NTRK2: variants seen among roughly 807,000 people sequenced by gnomAD.
The protein encoded by NTRK2 is BDNF/NT-3 growth factors receptor.
In NTRK2, 13 loss-of-function variants were observed where a neutral mutation model predicts 94.5. The ratio of observed to expected loss-of-function variants is 0.14; its 90% CI spans 0.09 to 0.22. The LOEUF (loss-of-function observed/expected upper bound fraction) is 0.22, where lower values mean the gene tolerates loss of function less well. Ranked by LOEUF, NTRK2 falls within the 10% of genes least tolerant of loss-of-function variation. The pLI is 1.00. For synonymous variants in NTRK2, 372 were observed against 407.4 expected, an observed-to-expected ratio of 0.91 and a Z score of 1.05; for missense variants, 639 against 1,071.2, an observed-to-expected ratio of 0.60 and a Z score of 5.63.
chr9:84,828,613 G>C (rs10114941), intron 12 of NTRK2, among the ~76,000 whole-genome samples: 8,930 of 152,162 alleles, frequency 0.059, 337 homozygotes, highest in African/African-American at 0.093. Flanking sequence ...TGCCAAGTGT[G>C]TCTAACTAAA....
intron 14 of NTRK2, among the ~76,000 whole-genome samples, chr9:84,933,499 C>A (rs1341079519): frequency 2.0e-5 from 3 of 152,216 alleles, no homozygotes; most frequent in Non-Finnish European, 4.4e-5. Flanking sequence ...GCTTTTGTCT[C>A]TTCTTGGCCT....
chr9:84,982,289 G>A (rs139689683), intron 17 of NTRK2, among the ~76,000 whole-genome samples: 1 of 152,172 alleles, frequency 6.6e-6, no homozygotes, highest in Non-Finnish European at 1.5e-5. Context: ...AGAATGAGCC[G>A]AGGAGGATTA....
At chr9:84,974,283 C>CT (rs1826535931) in intron 17 of NTRK2, among the ~76,000 whole-genome samples, 1 of 152,202 alleles carries the variant, frequency 6.6e-6, no homozygotes, top group South Asian at 2.1e-4. Context: ...GCCAGGGCCT[C>CT]TCCTCATAAC....
intron 9 of NTRK2, among the ~76,000 whole-genome samples, chr9:84,739,168 A>G (rs999880438): frequency 6.6e-6 from 1 of 152,164 alleles, no homozygotes; most frequent in Non-Finnish European, 1.5e-5. Flanking sequence ...CTCGTGCCTC[A>G]GCCTCCAGAA....
intron 12 of NTRK2, among the ~76,000 whole-genome samples, chr9:84,850,273 C>T (rs888781724): frequency 3.3e-5 from 5 of 152,016 alleles, no homozygotes; most frequent in South Asian, 2.1e-4. Context: ...TGAAAGCTGC[C>T]TATAGGCAGA....
At chr9:84,961,904 A>AG (rs1173528109) in intron 17 of NTRK2, among the ~76,000 whole-genome samples, 1 of 152,194 alleles carries the variant, frequency 6.6e-6, no homozygotes, top group Non-Finnish European at 1.5e-5. Context: ...AGGAGGCCCT[A>AG]GGCCAGGATA....
chr9:84,773,614 A>C (rs1588502842), intron 12 of NTRK2, among the ~76,000 whole-genome samples: 1 of 152,202 alleles, frequency 6.6e-6, no homozygotes, highest in Non-Finnish European at 1.5e-5. Context: ...AACTATATTT[A>C]TCACCACTTA....
chr9:84,872,935 G>A lies in NTRK2; in HGVS notation c.1633+5504G>A, dbSNP rs565420370. On this transcript the variant is annotated intron_variant, in intron 14 of 18. Coordinates refer to ENST00000277120, the MANE Select transcript of NTRK2 (RefSeq NM_006180.6). ...CTTCGTCCTTGTCTTACCAATAAGG[G>A]GAAAGGCTGGAGGTGATATTTTTCA... The A allele has an allele frequency of 5.6e-6, 6 of 1,065,054 alleles. No individual in the cohort carries two copies. In the South Asian group the frequency reaches 1.8e-4, roughly 32 times the overall value. 66.0% of individuals were successfully genotyped at this position (1,065,054 alleles called of 1,614,324 possible).
At chr9:84,695,673 C>T (rs377502669) in intron 2 of NTRK2, among the ~76,000 whole-genome samples, 15 of 152,280 alleles carry the variant, frequency 9.9e-5, no homozygotes, top group South Asian at 4.1e-4. Context: ...ATCCACTTTC[C>T]GATCACTCTT....
At chr9:84,876,838 T>C (rs199839247) in intron 14 of NTRK2, 123 of 1,062,162 alleles carry the variant, frequency 1.2e-4, no homozygotes, top group Non-Finnish European at 1.3e-4. Context: ...AATGTATACA[T>C]TTAGTCTGTC....
chr9:84,718,020 TTCC>T (rs1233079112), intron 6 of NTRK2, among the ~76,000 whole-genome samples: 1 of 150,620 alleles, frequency 6.6e-6, no homozygotes, highest in African/African-American at 2.5e-5. Flanking sequence ...CTTCTTCTTC[TTCC>T]TCTTCCCCTT....
At chr9:84,733,421 AT>A (rs1031792410) in intron 9 of NTRK2, among the ~76,000 whole-genome samples, 11 of 152,268 alleles carry the variant, frequency 7.2e-5, no homozygotes, top group Non-Finnish European at 1.5e-4. Context: ...GAATCTAGGG[AT>A]TTTGAACAAT....
At chr9:84,937,871 C>T (rs1416721251) in intron 15 of NTRK2, among the ~76,000 whole-genome samples, 2 of 152,222 alleles carry the variant, frequency 1.3e-5, no homozygotes, top group East Asian at 1.9e-4. Flanking sequence ...TATAACATTT[C>T]CTTGTACTAT....
intron 14 of NTRK2, among the ~76,000 whole-genome samples, chr9:84,913,466 A>G (rs2077303991): frequency 6.6e-6 from 1 of 152,170 alleles, no homozygotes; most frequent in African/African-American, 2.4e-5. Flanking sequence ...AATGTAGAAA[A>G]CTCAAGAGGA....
intron 17 of NTRK2, among the ~76,000 whole-genome samples, chr9:84,961,943 G>T (rs938270034): frequency 6.6e-6 from 1 of 152,214 alleles, no homozygotes; most frequent in African/African-American, 2.4e-5. Context: ...AGGATATAAG[G>T]AGAGATGTCA....
chr9:84,989,138 T>C (rs931010192), intron 17 of NTRK2, among the ~76,000 whole-genome samples: 15 of 152,140 alleles, frequency 9.9e-5, no homozygotes. Context: ...AGGACTAAAG[T>C]AGTACAATTC....
At chr9:84,732,534 A>G (rs2062963892) in intron 9 of NTRK2, among the ~76,000 whole-genome samples, 1 of 152,156 alleles carries the variant, frequency 6.6e-6, no homozygotes. Context: ...TGAGTGACAA[A>G]CAATCCTTTG....
chr9:84,882,719 T>TGTGTGTGCGTGCGCGCGC (rs761042296), intron 14 of NTRK2, among the ~76,000 whole-genome samples: 52 of 145,830 alleles, frequency 3.6e-4, no homozygotes, highest in African/African-American at 1.3e-3. Flanking sequence ...TGTGTGTGTG[T>TGTGTGTGCGTGCGCGCGC]GCGCGCGCGC....
chr9:84,688,670 G>A (rs914473745), intron 2 of NTRK2, among the ~76,000 whole-genome samples: 1 of 152,192 alleles, frequency 6.6e-6, no homozygotes, highest in Non-Finnish European at 1.5e-5. Flanking sequence ...GGGTCTAAAT[G>A]TAATGTTTCA....
Sources: allele counts gnomAD v4.1 joint callset (sites outside exome capture counted in the v4.1 genomes callset), GRCh38; gene constraint gnomAD v4.1.1; transcripts MANE v1.5; gene names NCBI Gene and HGNC (gene_info 2026-07-23, HGNC 2026-07-21).